The following MYO16 variants were observed in gnomAD, a reference collection of about 807,000 sequenced individuals.
MYO16 encodes the protein unconventional myosin-XVI.
Under a neutral mutation model 205.3 loss-of-function variants are expected in MYO16, and 94 were observed. The ratio of observed to expected loss-of-function variants is 0.46; its 90% CI spans 0.39 to 0.54. The LOEUF (loss-of-function observed/expected upper bound fraction) is 0.54. Among genes scored for constraint, MYO16 ranks in the 20% least tolerant of loss-of-function variants. The pLI, the probability that MYO16 is intolerant of heterozygous loss-of-function variation, is 0.00. For synonymous variants in MYO16, 988 were observed against 954.0 expected (o/e 1.04, Z -0.66); for missense variants, 2,315 against 2,387.5 (o/e 0.97, Z 0.63).
chr13:108,901,241 A>G (rs4771619), intron 15 of MYO16, among the ~76,000 whole-genome samples: 151,100 of 152,240 alleles, frequency 0.99, 74,995 homozygotes, highest in Middle Eastern at 1. Flanking sequence ...ACCTTGTGAA[A>G]CATGTGATTT....
At chr13:108,868,588 A>T (rs196164) in intron 12 of MYO16, among the ~76,000 whole-genome samples, 2,488 of 152,190 alleles carry the variant, frequency 0.016, 85 homozygotes, top group African/African-American at 0.057. Context: ...ATTCATTTTT[A>T]AAAAATGTAT....
chr13:108,691,039 T>TC (rs1882875720), intron 2 of MYO16, among the ~76,000 whole-genome samples: 7 of 152,348 alleles, frequency 4.6e-5, no homozygotes, highest in African/African-American at 1.7e-4. Context: ...TTTGATTAAT[T>TC]TTAACACAGC....
chr13:108,843,782 A>AT (rs1877372046), intron 9 of MYO16, among the ~76,000 whole-genome samples: 1 of 152,022 alleles, frequency 6.6e-6, no homozygotes, highest in Non-Finnish European at 1.5e-5. Flanking sequence ...AGTATCTTTT[A>AT]TTTTTTGGCT....
Position 108,652,432 on chromosome 13 carries a change from A to T in MYO16, c.29-13454A>T, listed in dbSNP as rs1306561847. Among the ~76,000 whole-genome samples the T allele has an allele frequency of 2.6e-5, 4 of 152,330 alleles. No individual in the cohort carries two copies. The South Asian group carries it at 6.2e-4, about 24-fold the overall frequency. Reference sequence around the variant, plus strand: ...TAGTGGTAAGAACACATAACATAAAATGTACCATTGCAACCATTTTTAAGT... The same window carrying T: ...TAGTGGTAAGAACACATAACATAAATTGTACCATTGCAACCATTTTTAAGT... On this transcript the variant is annotated intron_variant, in intron 1 of 34. Transcript: ENST00000457511.
chr13:108,790,853 G>A (rs76453808), intron 5 of MYO16, among the ~76,000 whole-genome samples: 4 of 152,178 alleles, frequency 2.6e-5, no homozygotes, highest in African/African-American at 9.7e-5. Flanking sequence ...TCTGCAGTGA[G>A]TGATGTCTTA....
chr13:108,810,566 T>C (rs527832890), intron 7 of MYO16, among the ~76,000 whole-genome samples: 9 of 152,342 alleles, frequency 5.9e-5, no homozygotes, highest in African/African-American at 1.9e-4. Flanking sequence ...TCTAAAAAAT[T>C]GTTCTCTCAA....
intron 3 of MYO16, among the ~76,000 whole-genome samples, chr13:108,713,534 T>C (rs1353250010): frequency 5.3e-5 from 8 of 152,208 alleles, no homozygotes; most frequent in Admixed American, 3.3e-4. Context: ...TACTGACACC[T>C]GACTCCCAAC....
At chr13:109,130,695 C>G (rs1876491012) in intron 31 of MYO16, among the ~76,000 whole-genome samples, 1 of 152,162 alleles carries the variant, frequency 6.6e-6, no homozygotes, top group Non-Finnish European at 1.5e-5. Flanking sequence ...GTTCTGGTCC[C>G]TTCTGTGCCA....
chr13:109,184,020 T>C (rs1056968111), intron 34 of MYO16, among the ~76,000 whole-genome samples: 15 of 152,210 alleles, frequency 9.9e-5, no homozygotes, highest in Non-Finnish European at 1.9e-4. Flanking sequence ...TCTATATTCA[T>C]TGTATTTGTT....
intron 32 of MYO16, among the ~76,000 whole-genome samples, chr13:109,154,888 G>A (rs1181330139): frequency 8.6e-6 from 1 of 116,864 alleles, no homozygotes; most frequent in Admixed American, 1.2e-4. Context: ...TGTTGTTTAG[G>A]TATTGCATAC....
At chr13:109,159,225 A>G (rs962248697) in intron 32 of MYO16, among the ~76,000 whole-genome samples, 5 of 152,230 alleles carry the variant, frequency 3.3e-5, no homozygotes, top group Non-Finnish European at 7.3e-5. Flanking sequence ...ACCTCATGCA[A>G]TGAGATATTT....
chr13:108,821,640 C>T (rs923494078), intron 8 of MYO16, among the ~76,000 whole-genome samples: 4 of 152,100 alleles, frequency 2.6e-5, no homozygotes, highest in Non-Finnish European at 5.9e-5. Flanking sequence ...ATATGACTGA[C>T]CTTTGACTAC....
chr13:108,869,696 A>C (rs112863698), intron 12 of MYO16, among the ~76,000 whole-genome samples: 128 of 135,084 alleles, frequency 9.5e-4, no homozygotes, highest in East Asian at 3.0e-3. Flanking sequence ...GTGCCACTGC[A>C]CTCCAGCCTG....
intron 9 of MYO16, among the ~76,000 whole-genome samples, chr13:108,827,469 G>T (rs1178266232): frequency 6.6e-6 from 1 of 152,056 alleles, no homozygotes; most frequent in Non-Finnish European, 1.5e-5. Flanking sequence ...TTAAATATTT[G>T]ATGAATTGGA....
chr13:108,831,620 C>A (rs550618415), intron 9 of MYO16, among the ~76,000 whole-genome samples: 1 of 152,158 alleles, frequency 6.6e-6, no homozygotes, highest in African/African-American at 2.4e-5. Flanking sequence ...TCAAGCGATT[C>A]TCTGGCCTCA....
intron 27 of MYO16, among the ~76,000 whole-genome samples, chr13:109,084,337 C>T (rs772260208): frequency 4.7e-5 from 6 of 126,998 alleles, no homozygotes; most frequent in South Asian, 5.4e-4. Flanking sequence ...CCGCCTCCTC[C>T]GTGTGAAAGA....
chr13:108,527,079 G>A, the MYO16 span, among the ~76,000 whole-genome samples: 1 of 152,158 alleles, frequency 6.6e-6, no homozygotes, highest in Non-Finnish European at 1.5e-5. Context: ...CATGAGGTTG[G>A]TGGATAAAAT....
chr13:108,899,126 G>T (rs1175871452), intron 15 of MYO16, among the ~76,000 whole-genome samples: 1 of 152,136 alleles, frequency 6.6e-6, no homozygotes, highest in East Asian at 1.9e-4. Context: ...TAAATAACAT[G>T]CATAAAAACA....
chr13:108,817,383 G>A (rs951907205), intron 7 of MYO16, among the ~76,000 whole-genome samples: 2 of 142,954 alleles, frequency 1.4e-5, no homozygotes, highest in South Asian at 2.4e-4. Context: ...AAGCATGGAC[G>A]AATCTCAAGA....
Sources: gnomAD v4.1 joint callset for allele counts (sites outside exome capture counted in the v4.1 genomes callset) on GRCh38, gnomAD v4.1.1 for gene constraint, MANE v1.5 for transcripts, NCBI Gene and HGNC (gene_info 2026-07-23, HGNC 2026-07-21) for gene names.